The following DMRT1 variants were observed in gnomAD, a reference collection of about 807,000 sequenced individuals.
DMRT1 encodes doublesex and mab-3 related transcription factor 1, also known as doublesex- and mab-3-related transcription factor 1.
In DMRT1, 7 loss-of-function variants were observed where a neutral mutation model predicts 32.3. The ratio of observed to expected loss-of-function variants is 0.22; its 90% CI spans 0.12 to 0.41. The LOEUF is 0.41. Among genes scored for constraint, DMRT1 ranks in the 10% least tolerant of loss-of-function variants. The pLI, the probability that DMRT1 is intolerant of heterozygous loss-of-function variation, is 1.00. For synonymous variants in DMRT1, 278 were observed against 206.1 expected (o/e 1.35, Z -2.99); for missense variants, 625 against 500.5 (o/e 1.25, Z -2.37).
intron 4 of DMRT1, among the ~76,000 whole-genome samples, chr9:955,227 A>G (rs1054606249): frequency 6.6e-6 from 1 of 152,128 alleles, no homozygotes; most frequent in African/African-American, 2.4e-5. Context: ...AGGGCAGGAA[A>G]GAGCAGGGCA....
intron 2 of DMRT1, among the ~76,000 whole-genome samples, chr9:888,659 A>G (rs1280318609): frequency 2.6e-5 from 4 of 151,880 alleles, no homozygotes; most frequent in Admixed American, 6.6e-5. Flanking sequence ...AGTCAGGGGC[A>G]TGAAGGTATC....
intron 2 of DMRT1, among the ~76,000 whole-genome samples, chr9:885,143 G>T (rs112317445): frequency 6.6e-6 from 1 of 152,182 alleles, no homozygotes; most frequent in Non-Finnish European, 1.5e-5. Context: ...TGGGCAGGCC[G>T]TGGGGCTCCG....
chr9:913,334 C>T (rs1818054846), intron 3 of DMRT1, among the ~76,000 whole-genome samples: 1 of 152,160 alleles, frequency 6.6e-6, no homozygotes, highest in South Asian at 2.1e-4. Context: ...CGGCACCTTG[C>T]TTCTAATTCA....
intron 4 of DMRT1, among the ~76,000 whole-genome samples, chr9:964,212 A>C (rs951153951): frequency 2.0e-5 from 3 of 151,976 alleles, no homozygotes; most frequent in African/African-American, 7.3e-5. Flanking sequence ...TTTTTTAAGA[A>C]GGTTTTCTTT....
intron 2 of DMRT1, among the ~76,000 whole-genome samples, chr9:873,266 G>T (rs974389848): frequency 6.6e-5 from 10 of 150,614 alleles, no homozygotes; most frequent in South Asian, 2.1e-4. Flanking sequence ...AGTTTTTTTT[G>T]TTTGTTTTTT....
At chr9:967,863 G>T in intron 4 of DMRT1, 122 bp from the exon 5 acceptor site, 1 of 934,102 alleles carries the variant, frequency 1.1e-6, no homozygotes, top group Non-Finnish European at 1.7e-6. Flanking sequence ...ACTCAGAATA[G>T]AAATGGAGAG....
chr9:891,147 C>A (rs35674302), intron 2 of DMRT1, among the ~76,000 whole-genome samples: 2 of 151,000 alleles, frequency 1.3e-5, no homozygotes, highest in African/African-American at 4.9e-5. Context: ...TGAGACCAGC[C>A]TGGGCAACAT....
chr9:854,438 C>T (rs541630714), intron 2 of DMRT1, among the ~76,000 whole-genome samples: 4 of 152,096 alleles, frequency 2.6e-5, no homozygotes, highest in Non-Finnish European at 4.4e-5. Context: ...CGCATGCAAC[C>T]ATGCCTGGCT....
chr9:911,470 ATTTTTTTTTT>A (rs201141931), intron 3 of DMRT1, among the ~76,000 whole-genome samples: 40 of 66,942 alleles, frequency 6.0e-4, no homozygotes, highest in African/African-American at 8.5e-4. Context: ...GGTTAATTGC[ATTTTTTTTTT>A]TTTTTTTTTT....
At chr9:964,952 T>G (rs1381217907) in intron 4 of DMRT1, among the ~76,000 whole-genome samples, 1 of 152,214 alleles carries the variant, frequency 6.6e-6, no homozygotes, top group Non-Finnish European at 1.5e-5. Flanking sequence ...ACTTTTGAGT[T>G]GAAATTAGCC....
chr9:877,036 C>CTCAGAAGAGGCTG (rs1564216588), intron 2 of DMRT1, among the ~76,000 whole-genome samples: 9 of 152,224 alleles, frequency 5.9e-5, no homozygotes, highest in African/African-American at 1.4e-4. Context: ...CTCAGACTTG[C>CTCAGAAGAGGCTG]CACTTGAACC....
chr9:958,319 G>GAAAT (rs1398098199), intron 4 of DMRT1, among the ~76,000 whole-genome samples: 3 of 152,196 alleles, frequency 2.0e-5, no homozygotes, highest in African/African-American at 7.2e-5. Context: ...TTCTACTTGA[G>GAAAT]AAATGGCTTG....
At chr9:872,250 ATAGGGTTTCACCATGT>A in intron 2 of DMRT1, among the ~76,000 whole-genome samples, 1 of 151,632 alleles carries the variant, frequency 6.6e-6, no homozygotes, top group East Asian at 1.9e-4. Context: ...TTTAGTAGAG[ATAGGGTTTCACCATGT>A]TGGCCAGGCT....
At chr9:854,375 T>G (rs7856727) in intron 2 of DMRT1, among the ~76,000 whole-genome samples, 3,379 of 151,728 alleles carry the variant, frequency 0.022, 66 homozygotes, top group Middle Eastern at 0.037. Flanking sequence ...ACCTCCACTT[T>G]CCAGATCAAG....
intron 4 of DMRT1, among the ~76,000 whole-genome samples, chr9:928,133 T>A (rs1160114918): frequency 6.6e-6 from 1 of 152,204 alleles, no homozygotes; most frequent in African/African-American, 2.4e-5. Context: ...AGCTTAAATC[T>A]GCAAAATAAA....
At chr9:882,536 GT>G in intron 2 of DMRT1, among the ~76,000 whole-genome samples, 1 of 152,048 alleles carries the variant, frequency 6.6e-6, no homozygotes, top group East Asian at 1.9e-4. Flanking sequence ...CCAGGCCAGG[GT>G]TTTGCATTCT....
chr9:889,671 G>C (rs1045767378), intron 2 of DMRT1, among the ~76,000 whole-genome samples: 1 of 152,230 alleles, frequency 6.6e-6, no homozygotes, highest in African/African-American at 2.4e-5. Flanking sequence ...AAAAGGTTCA[G>C]ATTAAGGTCA....
chr9:853,014 T>G (rs966217357), intron 2 of DMRT1, among the ~76,000 whole-genome samples: 4 of 152,218 alleles, frequency 2.6e-5, no homozygotes, highest in African/African-American at 9.6e-5. Context: ...TAGTATCCCA[T>G]GCAGTTTTTA....
intron 3 of DMRT1, among the ~76,000 whole-genome samples, chr9:912,291 G>T (rs1213943851): frequency 6.6e-6 from 1 of 152,182 alleles, no homozygotes; most frequent in East Asian, 1.9e-4. Flanking sequence ...TGGAGATTAC[G>T]GTGTGAGATG....
Sources: allele counts gnomAD v4.1 joint callset (sites outside exome capture counted in the v4.1 genomes callset), GRCh38; gene constraint gnomAD v4.1.1; transcripts MANE v1.5; gene names NCBI Gene and HGNC (gene_info 2026-07-23, HGNC 2026-07-21).